Variants in PATJ observed in about 807,000 individuals in gnomAD.
PATJ encodes the protein PATJ crumbs cell polarity complex component, also known as inaD-like protein.
A neutral mutation model predicts 224.9 loss-of-function variants in PATJ; 190 were observed. That is an observed-to-expected ratio of 0.84 (90% CI 0.75 to 0.95). The LOEUF is 0.95. Among genes scored for constraint, PATJ ranks in the 40% least tolerant of loss-of-function variants. The pLI is 0.00. For synonymous variants in PATJ, 769 were observed against 820.3 expected (o/e 0.94, Z 1.07); for missense variants, 2,121 against 2,270.3 (o/e 0.93, Z 1.34).
At chr1:62,070,511 A>G (rs1657202761) in intron 31 of PATJ, among the ~76,000 whole-genome samples, 1 of 152,256 alleles carries the variant, frequency 6.6e-6, no homozygotes, top group Admixed American at 6.5e-5. Flanking sequence ...AAAGTCGATC[A>G]TATTAAGATA....
Position 61,945,241 on chromosome 1 carries a change from G to A in PATJ, c.3670+17412G>A, listed in dbSNP as rs1678488707. Among the ~76,000 whole-genome samples the A allele has an allele frequency of 2.0e-5, 3 of 152,246 alleles. No homozygotes were observed. In the South Asian group the frequency reaches 6.3e-4, roughly 32 times the overall value. On this transcript the variant is annotated intron_variant, in intron 27 of 43. Coordinates refer to ENST00000642238, the MANE Select transcript of PATJ (RefSeq NM_001350145.3). ...ACACATAACAATATTAACCTTAAAT[G>A]TAAATGGGCTAAATGCTCCAATTAA...
intron 6 of PATJ, among the ~76,000 whole-genome samples, chr1:61,771,836 C>G (rs1263933103): frequency 6.6e-6 from 1 of 151,974 alleles, no homozygotes; most frequent in African/African-American, 2.4e-5. Context: ...TCTCCTGCCT[C>G]AGCCTCCCGA....
chr1:61,991,304 T>C (rs1645050518), intron 28 of PATJ, among the ~76,000 whole-genome samples: 1 of 152,186 alleles, frequency 6.6e-6, no homozygotes, highest in East Asian at 1.9e-4. Flanking sequence ...GTGTTAGGAT[T>C]CAATGGCAGG....
At chr1:61,934,314 C>T (rs1209990842) in intron 27 of PATJ, among the ~76,000 whole-genome samples, 1 of 152,196 alleles carries the variant, frequency 6.6e-6, no homozygotes, top group Non-Finnish European at 1.5e-5. Context: ...GATGGGGTTT[C>T]ATCATGTTGG....
At position 61,795,566 on chromosome 1, in the gene PATJ, ACTCGCCT is replaced by A; in HGVS notation, c.1260+11_1260+17del. The A allele has an allele frequency of 6.4e-7, 1 of 1,572,780 alleles. No homozygotes were observed. Among genetic ancestry groups the A allele is most frequent in the Non-Finnish European group, 8.7e-7 (1 of 1,144,086 alleles). On this transcript the variant is annotated intron_variant, in intron 10 of 43. Coordinates refer to ENST00000642238, the MANE Select transcript of PATJ (RefSeq NM_001350145.3). ...AATGACAAAATAGTTGCTGTAAGTA[ACTCGCCT>A]CTGTTTTAGGTTTGATTCTAGTTGA...
At chr1:61,999,893 G>A (rs998579568) in intron 28 of PATJ, among the ~76,000 whole-genome samples, 2 of 151,790 alleles carry the variant, frequency 1.3e-5, no homozygotes, top group African/African-American at 4.8e-5. Context: ...TGTTTTTTTG[G>A]GTTTTTTTAG....
intron 30 of PATJ, among the ~76,000 whole-genome samples, chr1:62,039,997 A>G (rs1651161933): frequency 6.6e-6 from 1 of 151,828 alleles, no homozygotes; most frequent in Non-Finnish European, 1.5e-5. Flanking sequence ...CTGGTGAGTG[A>G]GGGTTCCTTT....
At chr1:61,834,246 A>G (rs1219510160) in intron 17 of PATJ, among the ~76,000 whole-genome samples, 2 of 152,212 alleles carry the variant, frequency 1.3e-5, no homozygotes, top group Non-Finnish European at 2.9e-5. Flanking sequence ...TTCCCAATTC[A>G]TACTCTCCTC....
At position 62,139,159 on chromosome 1, in the gene PATJ, G is replaced by A. The variant is rs543444026; in HGVS notation, c.5272-9125G>A. ...CTCACACCTGTAATCCCAGCACTTTGAGAGGCCGAGGCAGGCGGATCACGT... is the reference window on the plus strand; with the variant it reads ...CTCACACCTGTAATCCCAGCACTTTAAGAGGCCGAGGCAGGCGGATCACGT... On this transcript the variant is annotated intron_variant, in intron 41 of 43. Transcript: ENST00000642238. 2.0e-4 allele frequency among the ~76,000 whole-genome samples: 31 copies of A among 152,172 alleles called. No individual in the cohort carries two copies. The South Asian group carries it at 6.4e-3, about 32-fold the overall frequency.
chr1:62,056,789 A>C (rs1654622100), intron 31 of PATJ, among the ~76,000 whole-genome samples: 1 of 152,040 alleles, frequency 6.6e-6, no homozygotes, highest in African/African-American at 2.4e-5. Flanking sequence ...TCAAAAATAA[A>C]AAATCACCCA....
chr1:61,927,206 A>G (rs1675337226), intron 26 of PATJ, among the ~76,000 whole-genome samples: 1 of 152,184 alleles, frequency 6.6e-6, no homozygotes, highest in Non-Finnish European at 1.5e-5. Context: ...ATGTGTGTTG[A>G]CCATCTATAA....
At chr1:62,160,421 T>A (rs1301593312) in intron 43 of PATJ, among the ~76,000 whole-genome samples, 2 of 152,204 alleles carry the variant, frequency 1.3e-5, no homozygotes, top group Admixed American at 6.6e-5. Flanking sequence ...ATAATTCACT[T>A]ACCATACAAT....
chr1:61,949,571 G>T (rs1298406935), intron 27 of PATJ, among the ~76,000 whole-genome samples: 2 of 152,102 alleles, frequency 1.3e-5, no homozygotes, highest in Non-Finnish European at 2.9e-5. Context: ...ATTATAAAAG[G>T]ATCTACATTA....
Position 61,875,223 on chromosome 1 carries a change from C to T in PATJ, c.2836-20C>T, listed in dbSNP as rs147502735. 165 of 1,518,420 alleles carry T rather than the reference C, an allele frequency of 1.1e-4. 1 individual carries two copies. Among genetic ancestry groups the T allele is most frequent in the Non-Finnish European group, 3.6e-6 (4 of 1,103,970 alleles). 94.1% of individuals were successfully genotyped at this position (1,518,420 alleles called of 1,614,324 possible). On this transcript the variant is annotated intron_variant, in intron 20 of 43. Coordinates refer to ENST00000642238, the MANE Select transcript of PATJ (RefSeq NM_001350145.3). The stretch of plus-strand genomic sequence containing the variant: ...TTTTTCATAAAGTACTAATGCATTT[C>T]TATTTTTCTTCCTCTCAAGATGAAA...
intron 4 of PATJ, 68 bp from the exon 5 acceptor site, chr1:61,769,215 G>A: frequency 1.3e-6 from 2 of 1,502,252 alleles, no homozygotes; most frequent in South Asian, 2.5e-5. Context: ...AGCAATTTCA[G>A]TTCTGCAGAC....
chr1:61,830,794 T>C (rs1266968179), intron 16 of PATJ, among the ~76,000 whole-genome samples: 1 of 152,102 alleles, frequency 6.6e-6, no homozygotes, highest in Non-Finnish European at 1.5e-5. Flanking sequence ...GACTTCTTAT[T>C]TGGAAAATGT....
intron 28 of PATJ, chr1:61,991,442 G>T (rs1482612604): frequency 1.5e-5 from 14 of 951,386 alleles, no homozygotes; most frequent in Non-Finnish European, 1.8e-5. Flanking sequence ...TACTTGAAAT[G>T]AAGGCTTACT....
At chr1:61,830,631 T>C (rs112379070) in intron 16 of PATJ, among the ~76,000 whole-genome samples, 2,536 of 151,982 alleles carry the variant, frequency 0.017, 69 homozygotes, top group African/African-American at 0.057. Flanking sequence ...TCAAACTATG[T>C]AGTACAAGGC....
chr1:61,848,508 C>T (rs928211797), intron 17 of PATJ, among the ~76,000 whole-genome samples: 1 of 152,110 alleles, frequency 6.6e-6, no homozygotes, highest in Non-Finnish European at 1.5e-5. Flanking sequence ...AAGAACCTTT[C>T]CTTTGCCTCT....
Sources: gnomAD v4.1 joint callset for allele counts (sites outside exome capture counted in the v4.1 genomes callset) on GRCh38, gnomAD v4.1.1 for gene constraint, MANE v1.5 for transcripts, NCBI Gene and HGNC (gene_info 2026-07-23, HGNC 2026-07-21) for gene names.